Variants in NEGR1 observed in about 807,000 individuals in gnomAD.
NEGR1 encodes neuronal growth regulator 1, also known as IgLON family member 4.
In NEGR1, 10 loss-of-function variants were observed where a neutral mutation model predicts 40.9. The ratio of observed to expected loss-of-function variants is 0.24; its 90% CI spans 0.15 to 0.42. The LOEUF (loss-of-function observed/expected upper bound fraction) is 0.42, where lower values mean the gene tolerates loss of function less well. Among genes scored for constraint, NEGR1 ranks in the 10% least tolerant of loss-of-function variants. The pLI, the probability that NEGR1 is intolerant of heterozygous loss-of-function variation, is 1.00. For synonymous variants in NEGR1, 185 were observed against 166.8 expected, an observed-to-expected ratio of 1.11 and a Z score of -0.84; for missense variants, 352 against 438.9, an observed-to-expected ratio of 0.80 and a Z score of 1.77.
intron 3 of NEGR1, among the ~76,000 whole-genome samples, chr1:71,732,518 G>A (rs1437283291): frequency 6.7e-6 from 1 of 150,322 alleles, no homozygotes; most frequent in Non-Finnish European, 1.5e-5. Context: ...GTGTGTGTGT[G>A]TGCGCGCGCG....
chr1:71,559,672 A>T (rs1038058131), intron 6 of NEGR1, among the ~76,000 whole-genome samples: 6 of 151,616 alleles, frequency 4.0e-5, no homozygotes, highest in African/African-American at 1.5e-4. Flanking sequence ...ACTTTTAATC[A>T]AATTCCTAAA....
intron 1 of NEGR1, among the ~76,000 whole-genome samples, chr1:71,982,837 C>T (rs77552427): frequency 2.7e-4 from 41 of 152,052 alleles, no homozygotes; most frequent in African/African-American, 8.7e-4. Flanking sequence ...AACTCTATTT[C>T]GAAGAGGAGA....
chr1:72,063,396 T>C (rs184150085), intron 1 of NEGR1, among the ~76,000 whole-genome samples: 82 of 152,056 alleles, frequency 5.4e-4, no homozygotes, highest in Middle Eastern at 6.8e-3. Flanking sequence ...TACCAACTTA[T>C]AGTTATGTAC....
intron 6 of NEGR1, among the ~76,000 whole-genome samples, chr1:71,459,089 A>G (rs1210922430): frequency 2.0e-5 from 3 of 152,122 alleles, no homozygotes; most frequent in African/African-American, 7.2e-5. Flanking sequence ...ATTGCTTTCC[A>G]TTGCTTTAAA....
intron 4 of NEGR1, among the ~76,000 whole-genome samples, chr1:71,641,554 T>C (rs1362447554): frequency 6.6e-6 from 1 of 151,994 alleles, no homozygotes; most frequent in East Asian, 1.9e-4. Context: ...CACAGAACCC[T>C]TGGGAGAGGC....
At chr1:71,759,438 C>T (rs758069001) in intron 3 of NEGR1, among the ~76,000 whole-genome samples, 6 of 150,302 alleles carry the variant, frequency 4.0e-5, no homozygotes, top group Non-Finnish European at 7.4e-5. Flanking sequence ...GCTAGAATTA[C>T]AGGCGCATGC....
intron 3 of NEGR1, among the ~76,000 whole-genome samples, chr1:71,710,885 A>C (rs1161975071): frequency 1.3e-5 from 2 of 152,098 alleles, no homozygotes; most frequent in Non-Finnish European, 2.9e-5. Context: ...TAAAGAATGT[A>C]ATTGGATTGA....
chr1:72,247,798 C>T (rs919550354), intron 1 of NEGR1, among the ~76,000 whole-genome samples: 18 of 152,112 alleles, frequency 1.2e-4, no homozygotes, highest in Non-Finnish European at 1.5e-4. Context: ...CTGTATTAGG[C>T]CATTCTTGTG....
chr1:71,725,302 T>C (rs1654633659), intron 3 of NEGR1, among the ~76,000 whole-genome samples: 1 of 152,134 alleles, frequency 6.6e-6, no homozygotes, highest in Admixed American at 6.6e-5. Flanking sequence ...TAATCTCTGA[T>C]GCCCTCTCAC....
At chr1:72,229,567 C>G (rs1022267061) in intron 1 of NEGR1, among the ~76,000 whole-genome samples, 1 of 149,928 alleles carries the variant, frequency 6.7e-6, no homozygotes, top group Non-Finnish European at 1.5e-5. Flanking sequence ...ATATAATTTT[C>G]CAGATTATAA....
intron 4 of NEGR1, among the ~76,000 whole-genome samples, chr1:71,631,870 C>T (rs1485049622): frequency 6.6e-6 from 1 of 151,592 alleles, no homozygotes; most frequent in Non-Finnish European, 1.5e-5. Context: ...TCTAAATATG[C>T]ACGTTCATAC....
intron 2 of NEGR1, among the ~76,000 whole-genome samples, chr1:71,779,076 T>C (rs958686168): frequency 6.6e-6 from 1 of 152,156 alleles, no homozygotes; most frequent in African/African-American, 2.4e-5. Context: ...GAAGAGGATG[T>C]TAGTAAGAGA....
chr1:72,097,540 A>G (rs1183206239), intron 1 of NEGR1, among the ~76,000 whole-genome samples: 1 of 152,220 alleles, frequency 6.6e-6, no homozygotes, highest in Non-Finnish European at 1.5e-5. Context: ...GAGATCTAAA[A>G]TGGATTAATA....
At chr1:72,188,440 A>T (rs1392874882) in intron 1 of NEGR1, among the ~76,000 whole-genome samples, 1 of 151,498 alleles carries the variant, frequency 6.6e-6, no homozygotes, top group Non-Finnish European at 1.5e-5. Context: ...TCTTTGCAAC[A>T]GCTTATTAAT....
intron 1 of NEGR1, among the ~76,000 whole-genome samples, chr1:72,271,892 T>G (rs1655857306): frequency 6.6e-6 from 1 of 151,786 alleles, no homozygotes; most frequent in Non-Finnish European, 1.5e-5. Context: ...CTTTTGCTTC[T>G]TCCTCATTTT....
At chr1:72,177,536 A>C (rs1156610336) in intron 1 of NEGR1, among the ~76,000 whole-genome samples, 11 of 152,068 alleles carry the variant, frequency 7.2e-5, no homozygotes, top group African/African-American at 2.4e-4. Context: ...ATGGAAATTA[A>C]TACACGTAAT....
intron 4 of NEGR1, among the ~76,000 whole-genome samples, chr1:71,612,137 G>A (rs997232846): frequency 6.6e-6 from 1 of 152,190 alleles, no homozygotes; most frequent in Non-Finnish European, 1.5e-5. Flanking sequence ...CAGGAGAATG[G>A]CGTGAACCCA....
At chr1:71,449,294 T>A (rs774000920) in intron 6 of NEGR1, among the ~76,000 whole-genome samples, 11 of 152,248 alleles carry the variant, frequency 7.2e-5, no homozygotes, top group Non-Finnish European at 1.6e-4. Context: ...GATTTGACAC[T>A]GTTTACACTG....
At chr1:71,420,499 AC>A (rs1438144039) in intron 6 of NEGR1, among the ~76,000 whole-genome samples, 7 of 152,052 alleles carry the variant, frequency 4.6e-5, no homozygotes, top group East Asian at 3.8e-4. Context: ...TAGAAAAAAA[AC>A]ATTCTACACA....
Sources: allele counts gnomAD v4.1 joint callset (sites outside exome capture counted in the v4.1 genomes callset), GRCh38; gene constraint gnomAD v4.1.1; transcripts MANE v1.5; gene names NCBI Gene and HGNC (gene_info 2026-07-23, HGNC 2026-07-21).